SIGMAR1: variants seen among roughly 807,000 people sequenced by gnomAD.
SIGMAR1 encodes SR31747 binding protein 1.
Under a neutral mutation model 25.4 loss-of-function variants are expected in SIGMAR1, and 18 were observed. The observed-to-expected ratio is 0.71, with a 90% CI of 0.49 to 1.05. The LOEUF (loss-of-function observed/expected upper bound fraction) is 1.05, where lower values mean the gene tolerates loss of function less well. Among genes scored for constraint, SIGMAR1 ranks in the 50% least tolerant of loss-of-function variants. The pLI is 0.00. For synonymous variants in SIGMAR1, 125 were observed against 131.6 expected, an observed-to-expected ratio of 0.95 and a Z score of 0.34; for missense variants, 249 against 301.6, an observed-to-expected ratio of 0.83 and a Z score of 1.29.
chr9:34,635,259 C>A lies in SIGMAR1; in HGVS notation c.*373G>T, dbSNP rs1346805627. On this transcript the variant is annotated 3_prime_UTR_variant, in exon 4 of 4. Coordinates refer to ENST00000277010, the MANE Select transcript of SIGMAR1 (RefSeq NM_005866.4). This position sits in a 1 kb window ranked among gnomAD's most constrained non-coding sequence, Gnocchi z 4.5. ...GTATAATACCCTCCCCCATCCTTAA[C>A]TCTAGAACCCCGGTTTGGTGGGGAG... is the stretch of plus-strand genomic sequence containing the variant. The A allele has an allele frequency of 8.4e-6, 3 of 355,330 alleles. No individual in the cohort carries two copies. Among genetic ancestry groups the A allele is most frequent in the African/African-American group, 6.4e-5 (3 of 47,064 alleles). The allele number at this position is 355,330 out of a possible 1,614,324, so 22.0% of individuals were successfully genotyped here. A position where few individuals can be genotyped will look rare whatever the true frequency, so the allele number is the denominator to read the frequency against.
chr9:34,637,456 G>C (rs1439181787), intron 1 of SIGMAR1, 36 bp from the exon 2 acceptor site: 3 of 1,591,322 alleles, frequency 1.9e-6, no homozygotes, highest in African/African-American at 1.3e-5. Flanking sequence ...GTCAGGGCTG[G>C]CACCGGTCCT....
Position 34,635,663 on chromosome 9 carries a change from A to T in SIGMAR1, c.641T>A (p.Leu214His), listed in dbSNP as rs1010437865. Reference sequence around the variant, plus strand: ...GTCCTGGCCAAAGAGGTAGGTGGTGAGCTCAAGCCGGAGGCCCCGAGCATA... The same window carrying T: ...GTCCTGGCCAAAGAGGTAGGTGGTGTGCTCAAGCCGGAGGCCCCGAGCATA... The part of the protein sequence containing the change: ...RSYARGLRLE[L>H]TTYLFGQDP The change falls in exon 4 of 4, where the codon CTC becomes CAC. Residue 214 changes from leucine (L) to histidine (H), a missense_variant. By Grantham distance (99) the Leu-to-His change is moderately conservative. Transcript: ENST00000277010. This position sits in a 1 kb window ranked among gnomAD's most constrained non-coding sequence, Gnocchi z 4.5. The T allele has an allele frequency of 4.3e-6, 7 of 1,614,222 alleles. No homozygotes were observed. Among genetic ancestry groups the T allele is most frequent in the Non-Finnish European group, 5.9e-6 (7 of 1,180,036 alleles).
rs114213611 is a variant in SIGMAR1 at position 34,635,605 on chromosome 9, C to T, written c.*27G>A. 1.4e-3 allele frequency: 2,185 copies of T among 1,613,776 alleles called. 27 individuals are homozygous for T. In the African/African-American group the frequency reaches 0.026, roughly 19 times the overall value. On this transcript the variant is annotated 3_prime_UTR_variant, in exon 4 of 4. Coordinates refer to ENST00000277010, the MANE Select transcript of SIGMAR1 (RefSeq NM_005866.4). The surrounding 1 kb of genome is among the most constrained non-coding windows in gnomAD (Gnocchi z 4.5). The stretch of plus-strand genomic sequence containing the variant: ...GCGGGCCTGCCCGCTCCTGTCTATC[C>T]GCAGGTCTTCCTTCAGGCCTGGCTG...
At position 34,635,234 on chromosome 9, in the gene SIGMAR1, G is replaced by C; in HGVS notation, c.*398C>G. On this transcript the variant is annotated 3_prime_UTR_variant, in exon 4 of 4. Coordinates refer to ENST00000277010, the MANE Select transcript of SIGMAR1 (RefSeq NM_005866.4). This position sits in a 1 kb window ranked among gnomAD's most constrained non-coding sequence, Gnocchi z 4.5. Reference sequence around the variant, plus strand: ...TGGGTTGAGGAGTCAGACTGAGGCAGTATAATACCCTCCCCCATCCTTAAC... The same window carrying C: ...TGGGTTGAGGAGTCAGACTGAGGCACTATAATACCCTCCCCCATCCTTAAC... 1 of 341,252 alleles carries C rather than the reference G, an allele frequency of 2.9e-6. No individual in the cohort carries two copies. Among genetic ancestry groups the C allele is most frequent in the South Asian group, 2.4e-5 (1 of 42,278 alleles). The allele number at this position is 341,252 out of a possible 1,614,324, so 21.1% of individuals were successfully genotyped here. A position where few individuals can be genotyped will look rare whatever the true frequency, so the allele number is the denominator to read the frequency against.
Position 34,637,706 on chromosome 9 carries a change from G to A in SIGMAR1, c.-9C>T, listed in dbSNP as rs755659172. The A allele has an allele frequency of 2.0e-6, 3 of 1,517,490 alleles. No individual in the cohort carries two copies. The South Asian group carries it at 3.6e-5, about 18-fold the overall frequency. 94.0% of individuals were successfully genotyped at this position (1,517,490 alleles called of 1,614,324 possible). A position where few individuals can be genotyped will look rare whatever the true frequency, so the allele number is the denominator to read the frequency against. On this transcript the variant is annotated 5_prime_UTR_variant, in exon 1 of 4. Transcript: ENST00000277010. The stretch of plus-strand genomic sequence containing the variant: ...CCCACGGCCCACTGCATCCCGGCGG[G>A]CGGCCTGGCACGGCGCAGCTCAGGA...
intron 1 of SIGMAR1, 51 bp from the exon 2 acceptor site, chr9:34,637,471 C>A: frequency 6.3e-7 from 1 of 1,584,432 alleles, no homozygotes; most frequent in Non-Finnish European, 8.5e-7. Flanking sequence ...GGTCCTAGGT[C>A]CGGGGATGGC....
rs767565212 is a variant in SIGMAR1, at chr9:34,637,004, G to A, written c.438C>T (p.Phe146=). Residue 146 remains phenylalanine (F), a synonymous_variant, in exon 3 of 4, where the codon TTC becomes TTT. Coordinates refer to ENST00000277010, the MANE Select transcript of SIGMAR1 (RefSeq NM_005866.4). ...WREGTTKSEV[F]YPGETVVHGP... Reference sequence around the variant, plus strand: ...CAGAGCCTTCTTACCCACCTGGGTAGAAGACCTCACTTTTGGTGGTGCCCT... The same window carrying A: ...CAGAGCCTTCTTACCCACCTGGGTAAAAGACCTCACTTTTGGTGGTGCCCT... The A allele has an allele frequency of 3.7e-6, 6 of 1,613,886 alleles. No individual in the cohort carries two copies. The African/African-American group carries it at 6.7e-5, about 18-fold the overall frequency.
chr9:34,635,582 G>A lies in SIGMAR1; in HGVS notation c.*50C>T, dbSNP rs549253316. ...TGGGCTCCAGCAAGTGGATATGTGC[G>A]GGCCTGCCCGCTCCTGTCTATCCGC... On this transcript the variant is annotated 3_prime_UTR_variant, in exon 4 of 4. Transcript: ENST00000277010. The surrounding 1 kb of genome is among the most constrained non-coding windows in gnomAD (Gnocchi z 4.5). The A allele has an allele frequency of 1.1e-5, 18 of 1,611,340 alleles. No individual in the cohort carries two copies. Among genetic ancestry groups the A allele is most frequent in the Admixed American group, 6.7e-5 (4 of 59,624 alleles).
chr9:34,635,412 G>A lies in SIGMAR1; in HGVS notation c.*220C>T. 1.5e-6 allele frequency: 1 copy of A among 677,608 alleles called. No individual in the cohort carries two copies. Among genetic ancestry groups the A allele is most frequent in the Non-Finnish European group, 2.5e-6 (1 of 399,236 alleles). 42.0% of individuals were successfully genotyped at this position (677,608 alleles called of 1,614,324 possible). ...CTCTCCAGATGGGTGTGAGTGCATG[G>A]TCCTACTGTACACACAGGTCTCAGT... On this transcript the variant is annotated 3_prime_UTR_variant, in exon 4 of 4. Transcript: ENST00000277010. The surrounding 1 kb of genome is among the most constrained non-coding windows in gnomAD (Gnocchi z 4.5).
chr9:34,635,908 C>T lies in SIGMAR1; in HGVS notation c.446-50G>A. On this transcript the variant is annotated intron_variant, in intron 3 of 3. Transcript: ENST00000277010. This position sits in a 1 kb window ranked among gnomAD's most constrained non-coding sequence, Gnocchi z 4.5. ...GAAAAGCCAGCTCTGCCCTGCCCTT[C>T]CATGGCTGCTGCTTCCCTGGCCCAT... is the stretch of plus-strand genomic sequence containing the variant. 1 of 1,610,238 alleles carries T rather than the reference C, an allele frequency of 6.2e-7. No homozygotes were observed. The highest frequency in any genetic ancestry group is 8.5e-7 in the Non-Finnish European group (1 of 1,179,396).
chr9:34,635,548 C>T lies in SIGMAR1; in HGVS notation c.*84G>A. On this transcript the variant is annotated 3_prime_UTR_variant, in exon 4 of 4. Transcript: ENST00000277010. This position sits in a 1 kb window ranked among gnomAD's most constrained non-coding sequence, Gnocchi z 4.5. The stretch of plus-strand genomic sequence containing the variant: ...GGATCTGCATGGTGTATGTCCCTGT[C>T]TGTAAACATGGGCTCCAGCAAGTGG... 1 of 1,585,556 alleles carries T rather than the reference C, an allele frequency of 6.3e-7. No homozygotes were observed. Among genetic ancestry groups the T allele is most frequent in the South Asian group, 1.1e-5 (1 of 87,398 alleles).
At position 34,637,333 on chromosome 9, in the gene SIGMAR1, T is replaced by G; in HGVS notation, c.239A>C (p.Gln80Pro). The change falls in exon 2 of 4, where the codon CAG (glutamine) becomes CCG (proline). Residue 80 changes from glutamine to proline, a missense_variant. Gln to Pro is a moderately conservative substitution (Grantham distance 76). Transcript: ENST00000277010. ...PGHVLPDEEL[Q>P]WVFVNAGGWM... ...GCCACCCGCATTCACGAACACCCAC[T>G]GCAGCTCCTCGTCGGGCAGCACGTG... is the stretch of plus-strand genomic sequence containing the variant. 1 of 1,604,600 alleles carries G rather than the reference T, an allele frequency of 6.2e-7. No homozygotes were observed. Among genetic ancestry groups the G allele is most frequent in the Non-Finnish European group, 8.5e-7 (1 of 1,178,670 alleles).
intron 3 of SIGMAR1, among the ~76,000 whole-genome samples, chr9:34,636,345 G>T (rs1820858802): frequency 6.6e-6 from 1 of 150,696 alleles, no homozygotes; most frequent in South Asian, 2.1e-4. Context: ...AAAAAAGGCA[G>T]GGGAGCGGCC....
chr9:34,637,780 C>G lies in SIGMAR1; in HGVS notation c.-83G>C. The G allele has an allele frequency of 8.3e-6, 9 of 1,078,672 alleles. 1 individual carries two copies. Among genetic ancestry groups the G allele is most frequent in the Non-Finnish European group, 9.9e-6 (8 of 809,720 alleles). The allele number at this position is 1,078,672 out of a possible 1,614,324, so 66.8% of individuals were successfully genotyped here. A position where few individuals can be genotyped will look rare whatever the true frequency, so the allele number is the denominator to read the frequency against. On this transcript the variant is annotated 5_prime_UTR_variant, in exon 1 of 4. Transcript: ENST00000277010. ...CGCTCACGGCCTCGGAGCCCGCCGG[C>G]TGCCCACGAAGCGCTCCCCCGCCAC... is the stretch of plus-strand genomic sequence containing the variant.
At chr9:34,636,841 G>T in intron 3 of SIGMAR1, 156 bp downstream of exon 3, 1 of 697,504 alleles carries the variant, frequency 1.4e-6, no homozygotes, top group Non-Finnish European at 2.6e-6. Flanking sequence ...CCTCAGCTCT[G>T]CCCCAACCAA....
intron 3 of SIGMAR1, chr9:34,636,675 T>C: frequency 2.2e-6 from 1 of 444,906 alleles, no homozygotes; most frequent in Admixed American, 3.4e-5. Flanking sequence ...TGTCTTGTCT[T>C]TTGGGGTATT....
chr9:34,635,191 A>G lies in SIGMAR1; in HGVS notation c.*441T>C. Reference sequence around the variant, plus strand: ...CAAAAGGCAGCTCCTCTTCCCCCTCATCCCCTCAAATTGCTGCTGGGTTGA... The same window carrying G: ...CAAAAGGCAGCTCCTCTTCCCCCTCGTCCCCTCAAATTGCTGCTGGGTTGA... On this transcript the variant is annotated 3_prime_UTR_variant, in exon 4 of 4. Coordinates refer to ENST00000277010, the MANE Select transcript of SIGMAR1 (RefSeq NM_005866.4). The surrounding 1 kb of genome is among the most constrained non-coding windows in gnomAD (Gnocchi z 4.5). The G allele has an allele frequency of 7.6e-6, 2 of 264,300 alleles. No homozygotes were observed. Among genetic ancestry groups the G allele is most frequent in the East Asian group, 9.4e-5 (1 of 10,624 alleles). 16.4% of individuals were successfully genotyped at this position (264,300 alleles called of 1,614,324 possible).
In SIGMAR1 at chr9:34,635,888, G is replaced by A. The variant is rs1373062983; in HGVS notation, c.446-30C>T. On this transcript the variant is annotated intron_variant, in intron 3 of 3. Transcript: ENST00000277010. This position sits in a 1 kb window ranked among gnomAD's most constrained non-coding sequence, Gnocchi z 4.5. ...GGGACAGGGAGCACCCAAGTGAAAA[G>A]CCAGCTCTGCCCTGCCCTTCCATGG... The A allele has an allele frequency of 6.2e-7, 1 of 1,612,750 alleles. No individual in the cohort carries two copies. The highest frequency in any genetic ancestry group is 8.5e-7 in the Non-Finnish European group (1 of 1,179,870).
chr9:34,636,932 C>A, intron 3 of SIGMAR1, 65 bp downstream of exon 3: 1 of 1,326,238 alleles, frequency 7.5e-7, no homozygotes, highest in South Asian at 1.2e-5. Context: ...ATGCCATGCT[C>A]CCCGCAATTG....
Sources: allele counts gnomAD v4.1 joint callset (sites outside exome capture counted in the v4.1 genomes callset), GRCh38; gene constraint gnomAD v4.1.1; non-coding constraint Gnocchi (gnomAD v3.1); transcripts MANE v1.5; gene names NCBI Gene and HGNC (gene_info 2026-07-23, HGNC 2026-07-21).